Variants in MGST1 observed in about 807,000 individuals in gnomAD.
The protein encoded by MGST1 is glutathione S-transferase 12.
Under a neutral mutation model 8.9 loss-of-function variants are expected in MGST1, and 5 were observed. The ratio of observed to expected loss-of-function variants is 0.56; its 90% CI spans 0.29 to 1.19. The LOEUF (loss-of-function observed/expected upper bound fraction) is 1.19, where lower values mean the gene tolerates loss of function less well. MGST1 is among the 50% of genes most tolerant of loss of function. The pLI is 0.08. For missense variants in MGST1, 182 were observed against 187.4 expected (o/e 0.97, Z 0.17); for synonymous variants, 54 against 67.8 (o/e 0.80, Z 1.00).
chr12:16,354,373 A>G lies in MGST1; in HGVS notation c.121A>G (p.Arg41Gly). ...STATAFYRLTRKVFANPEDCV... is the reference protein window; with the variant it reads ...STATAFYRLTGKVFANPEDCV... ...TGCAACTGCATTCTATAGATTGACA[A>G]GAAAGGTAAGAAATTTGGAGGTAAT... The change falls in exon 2 of 4, where the codon AGA becomes GGA. Residue 41 changes from arginine (R) to glycine (G), a missense_variant. Physicochemically the swap from Arg to Gly is moderately radical, Grantham distance 125 (BLOSUM62 -2). Transcript: ENST00000396210. 6.3e-7 allele frequency: 1 copy of G among 1,588,844 alleles called. No homozygotes were observed. Among genetic ancestry groups the G allele is most frequent in the Non-Finnish European group, 8.5e-7 (1 of 1,173,720 alleles).
At chr12:16,477,332 C>G (rs993294632) in intron 4 of MGST1, among the ~76,000 whole-genome samples, 5 of 151,998 alleles carry the variant, frequency 3.3e-5, no homozygotes, top group African/African-American at 1.2e-4. Flanking sequence ...AGTAGAATCT[C>G]TTTTATTTAT....
chr12:16,560,332 A>C lies in MGST1; in HGVS notation n.483-29196A>C. 1 of 1,426,914 alleles carries C rather than the reference A, an allele frequency of 7.0e-7. No individual in the cohort carries two copies. Among genetic ancestry groups the C allele is most frequent in the Non-Finnish European group, 9.5e-7 (1 of 1,048,188 alleles). 88.4% of individuals were successfully genotyped at this position (1,426,914 alleles called of 1,614,324 possible). On this transcript the variant is annotated intron_variant and non_coding_transcript_variant, in intron 4 of 4. Coordinates refer to the MGST1 transcript ENST00000538857. The surrounding 1 kb of genome is among the most constrained non-coding windows in gnomAD (Gnocchi z 5.0). ...TGAGATTGATTGCTTTAAATGTATG[A>C]ATATAATTTCCACCTATTAAATAAA...
intron 4 of MGST1, among the ~76,000 whole-genome samples, chr12:16,580,892 T>C (rs1943139150): frequency 6.6e-6 from 1 of 151,888 alleles, no homozygotes; most frequent in African/African-American, 2.4e-5. Context: ...TAACACCTTA[T>C]TTGTTTTAAA....
At chr12:16,534,387 C>A (rs113004220) in intron 4 of MGST1, among the ~76,000 whole-genome samples, 25 of 152,290 alleles carry the variant, frequency 1.6e-4, no homozygotes, top group African/African-American at 6.0e-4. Context: ...AACACAGTCA[C>A]TGATTCAAAC....
intron 4 of MGST1, among the ~76,000 whole-genome samples, chr12:16,519,008 T>C (rs1036760054): frequency 1.3e-5 from 2 of 152,218 alleles, no homozygotes; most frequent in South Asian, 4.1e-4. Context: ...TTTCTAATTA[T>C]AATGTCACTC....
chr12:16,394,075 C>G (rs190407494), intron 1 of MGST1, among the ~76,000 whole-genome samples: 1 of 152,232 alleles, frequency 6.6e-6, no homozygotes, highest in African/African-American at 2.4e-5. Context: ...TTTCCAATTA[C>G]ACTAGGTAAT....
intron 4 of MGST1, among the ~76,000 whole-genome samples, chr12:16,508,092 G>A (rs373158838): frequency 6.6e-6 from 1 of 152,082 alleles, no homozygotes; most frequent in African/African-American, 2.4e-5. Context: ...TAGGGTCTCA[G>A]TGCCCACCAG....
chr12:16,388,731 A>C (rs1292820440), intron 1 of MGST1, among the ~76,000 whole-genome samples: 1 of 152,206 alleles, frequency 6.6e-6, no homozygotes, highest in Non-Finnish European at 1.5e-5. Context: ...TTCAAGCGAC[A>C]CTGGCCTAGG....
intron 4 of MGST1, among the ~76,000 whole-genome samples, chr12:16,498,866 G>T (rs1177167332): frequency 6.6e-6 from 1 of 152,138 alleles, no homozygotes; most frequent in East Asian, 1.9e-4. Context: ...GACAAGTATT[G>T]AAGTAGCAAT....
At chr12:16,556,875 C>T (rs1420985100) in intron 4 of MGST1, among the ~76,000 whole-genome samples, 1 of 152,086 alleles carries the variant, frequency 6.6e-6, no homozygotes, top group East Asian at 1.9e-4. Flanking sequence ...TGTGCATAAC[C>T]GGCACTAAAG....
Position 16,399,944 on chromosome 12 carries a change from C to T in MGST1, n.778+16340C>T, listed in dbSNP as rs528525340. ...AATGTCACCACAAAAGGTGGCCATT[C>T]CATAGCATTTACCAGCGCACTACTA... On this transcript the variant is annotated intron_variant and non_coding_transcript_variant, in intron 1 of 1. Transcript: ENST00000359720. 5.3e-6 allele frequency: 7 copies of T among 1,320,838 alleles called. No homozygotes were observed. The South Asian group carries it at 7.1e-5, about 13-fold the overall frequency. The allele number at this position is 1,320,838 out of a possible 1,614,324, so 81.8% of individuals were successfully genotyped here.
chr12:16,582,006 A>G lies in MGST1; in HGVS notation n.483-7522A>G, dbSNP rs1035260754. ...TTACTTCGTTTTCTTATCTTATTAC[A>G]TTGGCTAGACCCTTTAAAACATTAA... is the stretch of plus-strand genomic sequence containing the variant. On this transcript the variant is annotated intron_variant and non_coding_transcript_variant, in intron 4 of 4. Coordinates refer to the MGST1 transcript ENST00000538857. The surrounding 1 kb of genome is among the most constrained non-coding windows in gnomAD (Gnocchi z 4.1). Among the ~76,000 whole-genome samples, 1 of 152,066 alleles carries G rather than the reference A, an allele frequency of 6.6e-6. No homozygotes were observed. The highest frequency in any genetic ancestry group is 2.4e-5 in the African/African-American group (1 of 41,408).
chr12:16,576,341 C>G lies in MGST1; in HGVS notation n.483-13187C>G, dbSNP rs576231900. ...CTGAGCCTCAGCCCCAATGTGCTGT[C>G]TACTCCCTGGACTCAGCATCTACTT... On this transcript the variant is annotated intron_variant and non_coding_transcript_variant, in intron 4 of 4. Transcript: ENST00000538857. The surrounding 1 kb of genome is among the most constrained non-coding windows in gnomAD (Gnocchi z 4.1). 6.6e-6 allele frequency among the ~76,000 whole-genome samples: 1 copy of G among 152,292 alleles called. No individual in the cohort carries two copies. Among genetic ancestry groups the G allele is most frequent in the Non-Finnish European group, 1.5e-5 (1 of 68,022 alleles).
At chr12:16,425,682 G>T (rs1940879477) in intron 1 of MGST1, among the ~76,000 whole-genome samples, 1 of 152,168 alleles carries the variant, frequency 6.6e-6, no homozygotes, top group African/African-American at 2.4e-5. Context: ...ACAGTCTAGA[G>T]AAAAGGCAGC....
At chr12:16,526,676 A>G (rs976372944) in intron 4 of MGST1, among the ~76,000 whole-genome samples, 2 of 152,032 alleles carry the variant, frequency 1.3e-5, no homozygotes, top group Admixed American at 1.3e-4. Flanking sequence ...TTCTATCACC[A>G]TAAATTAGGT....
At chr12:16,378,499 G>T (rs1490217485), downstream of MGST1, among the ~76,000 whole-genome samples, 2 of 152,044 alleles carry the variant, frequency 1.3e-5, no homozygotes, top group East Asian at 3.9e-4. Context: ...CTGTTCCATT[G>T]GTCTATATTT....
chr12:16,544,221 T>TACACACACACACACACAC lies in MGST1; in HGVS notation n.483-45281_483-45264dup, dbSNP rs3029719. ...TTAAATTGACACCTTAAGTAAGAAC[T>TACACACACACACACACAC]ACACACACACACACACACACACACA... is the stretch of plus-strand genomic sequence containing the variant. On this transcript the variant is annotated intron_variant and non_coding_transcript_variant, in intron 4 of 4. Transcript: ENST00000538857. The surrounding 1 kb of genome is among the most constrained non-coding windows in gnomAD (Gnocchi z 4.8). Among the ~76,000 whole-genome samples, 1 of 138,794 alleles carries TACACACACACACACACAC rather than the reference T, an allele frequency of 7.2e-6. No individual in the cohort carries two copies. The highest frequency in any genetic ancestry group is 1.6e-5 in the Non-Finnish European group (1 of 64,128). 91.1% of individuals were successfully genotyped at this position (138,794 alleles called of 152,430 possible).
chr12:16,401,799 G>C lies in MGST1; in HGVS notation n.778+18195G>C. 6.2e-7 allele frequency: 1 copy of C among 1,603,462 alleles called. No homozygotes were observed. The highest frequency in any genetic ancestry group is 8.5e-7 in the Non-Finnish European group (1 of 1,170,288). On this transcript the variant is annotated intron_variant and non_coding_transcript_variant, in intron 1 of 1. Coordinates refer to the MGST1 transcript ENST00000359720. The surrounding 1 kb of genome is among the most constrained non-coding windows in gnomAD (Gnocchi z 4.3). Reference sequence around the variant, plus strand: ...TTTGCTGTGTCAAACTTTCTCATCTGCATCAACTATTTCCATGACTCTTTC... The same window carrying C: ...TTTGCTGTGTCAAACTTTCTCATCTCCATCAACTATTTCCATGACTCTTTC...
Position 16,394,579 on chromosome 12 carries a change from C to G in MGST1, n.778+10975C>G, listed in dbSNP as rs1051532272. Among the ~76,000 whole-genome samples, 13 of 103,286 alleles carry G rather than the reference C, an allele frequency of 1.3e-4. 1 individual carries two copies. Among genetic ancestry groups the G allele is most frequent in the African/African-American group, 4.8e-4 (13 of 27,156 alleles). The allele number at this position is 103,286 out of a possible 152,430, so 67.8% of individuals were successfully genotyped here. A position where few individuals can be genotyped will look rare whatever the true frequency, so the allele number is the denominator to read the frequency against. ...CTTTCTTTCTTTCTTTCTTTCTTCT[C>G]TCTGTCTCTCTTTTTTCTTTTCTTT... On this transcript the variant is annotated intron_variant and non_coding_transcript_variant, in intron 1 of 1. Transcript: ENST00000359720.
Sources: allele counts gnomAD v4.1 joint callset (sites outside exome capture counted in the v4.1 genomes callset), GRCh38; gene constraint gnomAD v4.1.1; non-coding constraint Gnocchi (gnomAD v3.1); transcripts MANE v1.5; gene names NCBI Gene and HGNC (gene_info 2026-07-23, HGNC 2026-07-21).